PLEKHA6: variants seen among roughly 807,000 people sequenced by gnomAD.
PLEKHA6 encodes pleckstrin homology domain containing A6.
A neutral mutation model predicts 116.7 loss-of-function variants in PLEKHA6; 60 were observed. That is an observed-to-expected ratio of 0.51 (90% CI 0.42 to 0.64). The LOEUF is 0.64. Among genes scored for constraint, PLEKHA6 ranks in the 30% least tolerant of loss-of-function variants. The probability of loss-of-function intolerance (pLI) is 0.00; values close to 1 mark genes in which losing one functional copy is unlikely to be tolerated. For missense variants in PLEKHA6, 1,338 were observed against 1,422.7 expected (o/e 0.94, Z 0.96); for synonymous variants, 489 against 556.1 (o/e 0.88, Z 1.70).
intron 1 of PLEKHA6, among the ~76,000 whole-genome samples, chr1:204,341,516 G>T (rs1480199577): frequency 6.6e-6 from 1 of 152,238 alleles, no homozygotes. Flanking sequence ...TCTGATTGCA[G>T]GGATGGAGCT....
chr1:204,228,014 A>C lies in PLEKHA6; in HGVS notation c.3031+69T>G, dbSNP rs1660603402. On this transcript the variant is annotated intron_variant, in intron 21 of 22. Coordinates refer to ENST00000272203, the MANE Select transcript of PLEKHA6 (RefSeq NM_014935.5). This position sits in a 1 kb window ranked among gnomAD's most constrained non-coding sequence, Gnocchi z 4.0. Reference sequence around the variant, plus strand: ...CTACTGCCCCCCTTGTAGCAGTGCCACGCTTCCTCCCTTAAACCTGGTCAG... The same window carrying C: ...CTACTGCCCCCCTTGTAGCAGTGCCCCGCTTCCTCCCTTAAACCTGGTCAG... 9 of 1,514,628 alleles carry C rather than the reference A, an allele frequency of 5.9e-6. No individual in the cohort carries two copies. The East Asian group carries it at 2.1e-4, about 35-fold the overall frequency. The allele number at this position is 1,514,628 out of a possible 1,614,324, so 93.8% of individuals were successfully genotyped here.
chr1:204,372,148 C>A (rs1558206099), intron 1 of PLEKHA6, among the ~76,000 whole-genome samples: 1 of 152,168 alleles, frequency 6.6e-6, no homozygotes, highest in Admixed American at 6.5e-5. Flanking sequence ...CACGACATTC[C>A]CTCACACTGG....
At chr1:204,284,265 G>A (rs1051001182) in intron 1 of PLEKHA6, among the ~76,000 whole-genome samples, 2 of 152,188 alleles carry the variant, frequency 1.3e-5, no homozygotes, top group African/African-American at 4.8e-5. Context: ...GGGTTGAGGG[G>A]CAACAGCAGG....
chr1:204,270,924 C>T (rs1254443548), intron 3 of PLEKHA6, among the ~76,000 whole-genome samples: 1 of 152,162 alleles, frequency 6.6e-6, no homozygotes, highest in Non-Finnish European at 1.5e-5. Flanking sequence ...CCCGTCTTCC[C>T]TTGGCCACTG....
intron 1 of PLEKHA6, among the ~76,000 whole-genome samples, chr1:204,279,923 A>AT (rs893467971): frequency 5.3e-5 from 8 of 152,186 alleles, no homozygotes; most frequent in African/African-American, 1.9e-4. Context: ...GATATAGACC[A>AT]TTTTTTGCAG....
chr1:204,327,568 T>A (rs1426336868), intron 1 of PLEKHA6, among the ~76,000 whole-genome samples: 1 of 152,240 alleles, frequency 6.6e-6, no homozygotes, highest in Non-Finnish European at 1.5e-5. Context: ...GACTTCCTCA[T>A]CTGTCCATGC....
At chr1:204,229,735 A>G (rs1660895973) in intron 18 of PLEKHA6, among the ~76,000 whole-genome samples, 1 of 152,220 alleles carries the variant, frequency 6.6e-6, no homozygotes, top group Non-Finnish European at 1.5e-5. Flanking sequence ...CAGTGATTTC[A>G]TATTATAGAA....
chr1:204,357,810 G>A (rs1340184214), intron 1 of PLEKHA6, among the ~76,000 whole-genome samples: 1 of 152,260 alleles, frequency 6.6e-6, no homozygotes, highest in East Asian at 1.9e-4. Context: ...AGTCCCCTGG[G>A]CCAAGAGAGC....
chr1:204,296,032 A>C (rs1462812109), intron 1 of PLEKHA6, among the ~76,000 whole-genome samples: 1 of 152,118 alleles, frequency 6.6e-6, no homozygotes, highest in Non-Finnish European at 1.5e-5. Context: ...ACGTGCAGGC[A>C]GGGGACCAAG....
intron 1 of PLEKHA6, among the ~76,000 whole-genome samples, chr1:204,286,703 C>A (rs56030285): frequency 0.011 from 1,705 of 152,186 alleles, 24 homozygotes; most frequent in African/African-American, 0.038. Flanking sequence ...CCCATGAAGC[C>A]CCCCTGCCCT....
At chr1:204,258,511 C>G (rs1171694413) in intron 8 of PLEKHA6, among the ~76,000 whole-genome samples, 1 of 152,194 alleles carries the variant, frequency 6.6e-6, no homozygotes, top group Non-Finnish European at 1.5e-5. Context: ...CAGAGCAGGC[C>G]TGATGCTCCC....
At chr1:204,359,605 C>T in intron 1 of PLEKHA6, 89 bp downstream of exon 1, 1 of 985,556 alleles carries the variant, frequency 1.0e-6, no homozygotes, top group Non-Finnish European at 1.2e-6. Flanking sequence ...AGCCCAGGCT[C>T]ACGCGGCAGA....
chr1:204,314,978 C>T (rs4951356), intron 1 of PLEKHA6, among the ~76,000 whole-genome samples: 76,959 of 152,006 alleles, frequency 0.51, 20,051 homozygotes, highest in Middle Eastern at 0.62. Context: ...CAGCTTGGCT[C>T]GGAACGCTGG....
chr1:204,290,697 A>G (rs1669656264), intron 1 of PLEKHA6, among the ~76,000 whole-genome samples: 1 of 152,212 alleles, frequency 6.6e-6, no homozygotes, highest in South Asian at 2.1e-4. Flanking sequence ...TCTTCAAAAG[A>G]CACTATTACA....
chr1:204,271,598 C>T (rs1174073565), intron 3 of PLEKHA6, among the ~76,000 whole-genome samples: 1 of 152,176 alleles, frequency 6.6e-6, no homozygotes, highest in African/African-American at 2.4e-5. Context: ...CAGTGGTAAA[C>T]TATGGTAAAC....
intron 1 of PLEKHA6, among the ~76,000 whole-genome samples, chr1:204,341,754 A>C (rs527515836): frequency 2.0e-5 from 3 of 152,386 alleles, no homozygotes; most frequent in Non-Finnish European, 2.9e-5. Flanking sequence ...ATTAACCAAA[A>C]AAAGTAGATC....
rs116421585 is a variant in PLEKHA6, at chr1:204,319,855, C to T, written c.-95+39839G>A. ...AGAGAGAAGGGAGAAAGGGACAGGGCGGGCAGGGATGAGGAGGGAGGGAGG... is the reference window on the plus strand; with the variant it reads ...AGAGAGAAGGGAGAAAGGGACAGGGTGGGCAGGGATGAGGAGGGAGGGAGG... On this transcript the variant is annotated intron_variant, in intron 1 of 22. Transcript: ENST00000272203. Among the ~76,000 whole-genome samples, 907 of 151,544 alleles carry T rather than the reference C, an allele frequency of 6.0e-3. 7 individuals carry two copies. Among genetic ancestry groups the T allele is most frequent in the African/African-American group, 0.02 (840 of 41,368 alleles).
intron 9 of PLEKHA6, chr1:204,251,611 T>A: frequency 1.4e-6 from 1 of 702,744 alleles, no homozygotes; most frequent in Non-Finnish European, 2.6e-6. Flanking sequence ...CTCTCACTCA[T>A]CTGCAGCAGA....
chr1:204,232,034 A>C (rs899156498), intron 17 of PLEKHA6, among the ~76,000 whole-genome samples: 2 of 152,180 alleles, frequency 1.3e-5, no homozygotes, highest in Non-Finnish European at 2.9e-5. Context: ...ATGAATGTTA[A>C]AGATGCTTCT....
Sources: gnomAD v4.1 joint callset for allele counts (sites outside exome capture counted in the v4.1 genomes callset) on GRCh38, gnomAD v4.1.1 for gene constraint, Gnocchi (gnomAD v3.1) non-coding constraint, MANE v1.5 for transcripts, NCBI Gene and HGNC (gene_info 2026-07-23, HGNC 2026-07-21) for gene names.